INIP: variants seen among roughly 807,000 people sequenced by gnomAD.
The protein encoded by INIP is INTS3 and NABP interacting protein.
INIP carries 9 observed loss-of-function variants against 14.0 expected under a neutral mutation model. The observed-to-expected ratio is 0.64, with a 90% CI of 0.39 to 1.12. The LOEUF (loss-of-function observed/expected upper bound fraction) is 1.12. Ranked by LOEUF, INIP falls within the 50% of genes most tolerant of loss-of-function variation. The probability of loss-of-function intolerance (pLI) is 0.01; values close to 1 mark genes in which losing one functional copy is unlikely to be tolerated. For missense variants in INIP, 78 were observed against 122.7 expected, an observed-to-expected ratio of 0.64 and a Z score of 1.72; for synonymous variants, 37 against 41.5, an observed-to-expected ratio of 0.89 and a Z score of 0.41.
intron 1 of INIP, among the ~76,000 whole-genome samples, chr9:112,717,009 A>G (rs1259229521): frequency 6.6e-6 from 1 of 152,124 alleles, no homozygotes; most frequent in Non-Finnish European, 1.5e-5. Flanking sequence ...TGAAATGTAC[A>G]CAGACTGAAA....
intron 2 of INIP, among the ~76,000 whole-genome samples, chr9:112,704,965 G>T (rs1054234116): frequency 1.3e-5 from 2 of 151,892 alleles, no homozygotes; most frequent in African/African-American, 4.8e-5. Flanking sequence ...AGAAAAATTA[G>T]CTGGATGTGG....
intron 3 of INIP, among the ~76,000 whole-genome samples, chr9:112,692,155 T>C (rs1837912164): frequency 6.6e-6 from 1 of 152,184 alleles, no homozygotes; most frequent in Non-Finnish European, 1.5e-5. Flanking sequence ...TTTTCTTTGA[T>C]GGAGGGCCTG....
chr9:112,701,903 T>G (rs901185763), intron 2 of INIP: 3 of 151,976 alleles, frequency 2.0e-5, no homozygotes, highest in Admixed American at 2.0e-4. Flanking sequence ...AAAAAAAATT[T>G]TTTTAATTTA....
At chr9:112,696,651 G>A (rs1261512614) in intron 2 of INIP, among the ~76,000 whole-genome samples, 1 of 152,218 alleles carries the variant, frequency 6.6e-6, no homozygotes, top group Non-Finnish European at 1.5e-5. Context: ...GTAGGCAGTA[G>A]GTTGTCACCT....
chr9:112,701,531 A>T (rs1213021209), intron 2 of INIP, among the ~76,000 whole-genome samples: 1 of 152,232 alleles, frequency 6.6e-6, no homozygotes, highest in Non-Finnish European at 1.5e-5. Context: ...TTATGGGAAG[A>T]CGTGTTTAAG....
At chr9:112,695,987 G>C (rs935814957) in intron 2 of INIP, among the ~76,000 whole-genome samples, 1 of 151,652 alleles carries the variant, frequency 6.6e-6, no homozygotes, top group Non-Finnish European at 1.5e-5. Flanking sequence ...TCCTGGGCTC[G>C]AGCGATCCTC....
Position 112,718,094 on chromosome 9 carries a change from G to T in INIP, c.-164C>A, listed in dbSNP as rs1838893299. 6.6e-6 allele frequency: 1 copy of T among 152,648 alleles called. No individual in the cohort carries two copies. The highest frequency in any genetic ancestry group is 1.5e-5 in the Non-Finnish European group (1 of 68,062). The allele number at this position is 152,648 out of a possible 1,614,324, so 9.5% of individuals were successfully genotyped here. ...CAACTCGCGGCACTACAACCTTCCC[G>T]CCCCCGCTGCGCTTCCGCCTCCTGA... On this transcript the variant is annotated 5_prime_UTR_variant, in exon 1 of 5. Transcript: ENST00000374242.
chr9:112,693,976 G>T, intron 3 of INIP, 155 bp downstream of exon 3: 1 of 433,228 alleles, frequency 2.3e-6, no homozygotes. Flanking sequence ...TCGGGAGGCT[G>T]AGGCAGGAGA....
rs1837698852 is a variant in INIP, at chr9:112,687,083, G to T, written c.*455C>A. 6.5e-6 allele frequency: 1 copy of T among 153,078 alleles called. No homozygotes were observed. Among genetic ancestry groups the T allele is most frequent in the Non-Finnish European group, 1.5e-5 (1 of 68,688 alleles). The allele number at this position is 153,078 out of a possible 1,614,324, so 9.5% of individuals were successfully genotyped here. Reference sequence around the variant, plus strand: ...TACATGTTGACTATAAACGCAAAAGGTATACTGATAGCAATCCTATAAACA... The same window carrying T: ...TACATGTTGACTATAAACGCAAAAGTTATACTGATAGCAATCCTATAAACA... On this transcript the variant is annotated 3_prime_UTR_variant, in exon 5 of 5. Coordinates refer to ENST00000374242, the MANE Select transcript of INIP (RefSeq NM_021218.3).
rs561043085 is a variant in INIP at position 112,696,932 on chromosome 9, T to G, written c.26-2699A>C. 9.2e-5 allele frequency among the ~76,000 whole-genome samples: 14 copies of G among 152,290 alleles called. No individual in the cohort carries two copies. In the South Asian group the frequency reaches 2.9e-3, roughly 32 times the overall value. On this transcript the variant is annotated intron_variant, in intron 2 of 4. Coordinates refer to ENST00000374242, the MANE Select transcript of INIP (RefSeq NM_021218.3). ...ACACATTCAGCTATCCAGAAGCTCA[T>G]CTGAACCTTGTCCTTTTGGGGTTTT...
At chr9:112,710,766 T>A (rs960847916) in intron 2 of INIP, among the ~76,000 whole-genome samples, 12 of 152,234 alleles carry the variant, frequency 7.9e-5, no homozygotes, top group African/African-American at 1.4e-4. Context: ...AGATTTTTTT[T>A]AAATCATGGT....
intron 2 of INIP, among the ~76,000 whole-genome samples, chr9:112,707,880 C>G (rs933695112): frequency 6.6e-6 from 1 of 152,172 alleles, no homozygotes; most frequent in African/African-American, 2.4e-5. Context: ...GCACTATTAA[C>G]ATGTTTAACA....
chr9:112,698,895 G>T (rs1588079366), intron 2 of INIP, among the ~76,000 whole-genome samples: 1 of 152,084 alleles, frequency 6.6e-6, no homozygotes, highest in Admixed American at 6.6e-5. Context: ...GAAGGGAATT[G>T]TTCTTCAGAC....
chr9:112,710,904 C>T (rs2095508571), intron 2 of INIP, among the ~76,000 whole-genome samples: 4 of 151,986 alleles, frequency 2.6e-5, no homozygotes, highest in Admixed American at 2.6e-4. Flanking sequence ...GGCATGGTGG[C>T]TCACACTTGT....
rs1321211470 is a variant in INIP, at chr9:112,686,083, G to A, written c.*1455C>T. The stretch of plus-strand genomic sequence containing the variant: ...ATATTGACCCAAACTGGAATTTTCA[G>A]TTTTACGCTACCACCAGAGAGGATG... On this transcript the variant is annotated 3_prime_UTR_variant, in exon 5 of 5. Coordinates refer to ENST00000374242, the MANE Select transcript of INIP (RefSeq NM_021218.3). 2 of 152,102 alleles carry A rather than the reference G, an allele frequency of 1.3e-5. No homozygotes were observed. Among genetic ancestry groups the A allele is most frequent in the Non-Finnish European group, 2.9e-5 (2 of 68,022 alleles). The allele number at this position is 152,102 out of a possible 1,614,324, so 9.4% of individuals were successfully genotyped here. A position where few individuals can be genotyped will look rare whatever the true frequency, so the allele number is the denominator to read the frequency against.
chr9:112,696,216 T>C (rs1018645093), intron 2 of INIP, among the ~76,000 whole-genome samples: 6 of 152,048 alleles, frequency 3.9e-5, no homozygotes, highest in Non-Finnish European at 5.9e-5. Flanking sequence ...TGAAGAGAGT[T>C]TTCTAAGCCT....
rs1278651001 is a variant in INIP, at chr9:112,684,795, G to T, written c.*2743C>A. 1 of 152,154 alleles carries T rather than the reference G, an allele frequency of 6.6e-6. No homozygotes were observed. The highest frequency in any genetic ancestry group is 1.5e-5 in the Non-Finnish European group (1 of 68,036). 9.4% of individuals were successfully genotyped at this position (152,154 alleles called of 1,614,324 possible). Reference sequence around the variant, plus strand: ...TCTGACATGGGCAGAGCATGTGCTTGTTCTCACCTTATGGAGGGAGGAACA... The same window carrying T: ...TCTGACATGGGCAGAGCATGTGCTTTTTCTCACCTTATGGAGGGAGGAACA... On this transcript the variant is annotated 3_prime_UTR_variant, in exon 5 of 5. Coordinates refer to ENST00000374242, the MANE Select transcript of INIP (RefSeq NM_021218.3).
intron 2 of INIP, chr9:112,701,901 T>A (rs55935423): frequency 0.17 from 25,980 of 150,018 alleles, 2,538 homozygotes; most frequent in Admixed American, 0.24. Flanking sequence ...AAAAAAAAAA[T>A]TTTTTTAATT....
In INIP at chr9:112,706,352, G is replaced by A. The variant is rs150510627; in HGVS notation, c.25+10109C>T. Among the ~76,000 whole-genome samples the A allele has an allele frequency of 5.1e-3, 783 of 152,244 alleles. 12 individuals are homozygous for A. The highest frequency in any genetic ancestry group is 0.018 in the African/African-American group (755 of 41,546). On this transcript the variant is annotated intron_variant, in intron 2 of 4. Transcript: ENST00000374242. ...AAGCCTCAAATCCCTGGGCTCAAGC[G>A]ATCCTCCTGCCTCAGCCTCCAAAGC...
Sources: allele counts gnomAD v4.1 joint callset (sites outside exome capture counted in the v4.1 genomes callset), GRCh38; gene constraint gnomAD v4.1.1; transcripts MANE v1.5; gene names NCBI Gene and HGNC (gene_info 2026-07-23, HGNC 2026-07-21).